Variants in KIAA0825 observed in about 807,000 individuals in gnomAD.
The protein encoded by KIAA0825 is KIAA0825, also known as uncharacterized protein KIAA0825.
Under a neutral mutation model 147.6 loss-of-function variants are expected in KIAA0825, and 119 were observed. That is an observed-to-expected ratio of 0.81 (90% CI 0.69 to 0.94). The LOEUF is 0.94. Among genes scored for constraint, KIAA0825 ranks in the 40% least tolerant of loss-of-function variants. KIAA0825 has a pLI of 0.00. For synonymous variants in KIAA0825, 470 were observed against 518.1 expected (o/e 0.91, Z 1.26); for missense variants, 1,381 against 1,472.7 (o/e 0.94, Z 1.02).
intron 20 of KIAA0825, among the ~76,000 whole-genome samples, chr5:94,241,590 T>G (rs1341916084): frequency 6.6e-6 from 1 of 152,226 alleles, no homozygotes; most frequent in Non-Finnish European, 1.5e-5. Context: ...TACTTTAGAA[T>G]GAATCATCAT....
At chr5:94,373,967 A>G (rs1180261996) in intron 20 of KIAA0825, among the ~76,000 whole-genome samples, 1 of 152,202 alleles carries the variant, frequency 6.6e-6, no homozygotes, top group African/African-American at 2.4e-5. Flanking sequence ...TTCATCTTCA[A>G]TCAAACTGAA....
At chr5:94,501,838 T>C (rs1204072520) in intron 5 of KIAA0825, among the ~76,000 whole-genome samples, 1 of 152,162 alleles carries the variant, frequency 6.6e-6, no homozygotes, top group Non-Finnish European at 1.5e-5. Flanking sequence ...CTTTCAAAGA[T>C]ACACAAGTAT....
chr5:94,525,660 T>C (rs758225500), intron 3 of KIAA0825, among the ~76,000 whole-genome samples: 2 of 151,972 alleles, frequency 1.3e-5, no homozygotes, highest in Non-Finnish European at 2.9e-5. Flanking sequence ...GTTTTTATTA[T>C]AGCATCCTCA....
At chr5:94,241,651 T>G (rs539954409) in intron 20 of KIAA0825, among the ~76,000 whole-genome samples, 1 of 152,304 alleles carries the variant, frequency 6.6e-6, no homozygotes, top group South Asian at 2.1e-4. Context: ...CATTTAAAAA[T>G]AAAATACCCT....
At chr5:94,405,713 G>A (rs557823249) in intron 15 of KIAA0825, among the ~76,000 whole-genome samples, 2 of 152,206 alleles carry the variant, frequency 1.3e-5, no homozygotes, top group South Asian at 4.1e-4. Context: ...GGAAGTGATA[G>A]AACAGACAGT....
chr5:94,453,926 A>G (rs1245643046), intron 12 of KIAA0825, among the ~76,000 whole-genome samples: 1 of 151,930 alleles, frequency 6.6e-6, no homozygotes, highest in African/African-American at 2.4e-5. Flanking sequence ...ATAATTAATT[A>G]GAATTTATAA....
intron 18 of KIAA0825, among the ~76,000 whole-genome samples, chr5:94,390,650 A>G (rs1749773136): frequency 1.3e-5 from 2 of 152,208 alleles, no homozygotes; most frequent in Non-Finnish European, 2.9e-5. Flanking sequence ...CCAGGAAACA[A>G]GATTTACTTG....
rs1759952383 is a variant in KIAA0825 at position 94,462,404 on chromosome 5, T to C, written c.2229A>G (p.Pro743=). 1 of 1,434,978 alleles carries C rather than the reference T, an allele frequency of 7.0e-7. No homozygotes were observed. Among genetic ancestry groups the C allele is most frequent in the Non-Finnish European group, 9.5e-7 (1 of 1,055,000 alleles). The allele number at this position is 1,434,978 out of a possible 1,614,324, so 88.9% of individuals were successfully genotyped here. The part of the protein sequence containing the change: ...LFTTLVILTS[P]LTELYKTFQH... ...ATACTTACTTATATAATTCTGTTAA[T>C]GGTGAAGTCAAAATGACTAATGTTG... is the stretch of plus-strand genomic sequence containing the variant. Residue 743 remains proline (P), a synonymous_variant, in exon 12 of 21, where the codon CCA becomes CCG. Coordinates refer to ENST00000682413, the MANE Select transcript of KIAA0825 (RefSeq NM_001145678.3).
intron 2 of KIAA0825, among the ~76,000 whole-genome samples, chr5:94,564,848 A>G (rs185041264): frequency 1.4e-3 from 206 of 152,162 alleles, no homozygotes; most frequent in Non-Finnish European, 7.1e-4. Context: ...AAACCCCATC[A>G]TCTGGATTAG....
At chr5:94,554,368 T>C (rs1250812176) in intron 2 of KIAA0825, among the ~76,000 whole-genome samples, 1 of 152,122 alleles carries the variant, frequency 6.6e-6, no homozygotes, top group East Asian at 1.9e-4. Context: ...GTATTATTCT[T>C]TGTATTGCTG....
intron 20 of KIAA0825, among the ~76,000 whole-genome samples, chr5:94,202,746 G>A (rs1472861851): frequency 6.6e-6 from 1 of 152,144 alleles, no homozygotes; most frequent in Non-Finnish European, 1.5e-5. Context: ...CTGAAGCTCT[G>A]CTGCAAATGG....
chr5:94,155,830 A>G (rs879429859), intron 20 of KIAA0825, among the ~76,000 whole-genome samples: 20 of 152,158 alleles, frequency 1.3e-4, no homozygotes, highest in Non-Finnish European at 1.9e-4. Flanking sequence ...TGAATGATAA[A>G]AAGTTTTTCA....
At chr5:94,572,767 T>C (rs12653819) in intron 2 of KIAA0825, among the ~76,000 whole-genome samples, 21,490 of 152,200 alleles carry the variant, frequency 0.14, 1,738 homozygotes, top group East Asian at 0.33. Context: ...CTGTGGGTGA[T>C]AGAATTAAAA....
At chr5:94,573,118 T>G in intron 2 of KIAA0825, among the ~76,000 whole-genome samples, 1 of 115,372 alleles carries the variant, frequency 8.7e-6, no homozygotes. Flanking sequence ...AACTCAAAGC[T>G]TGGGGGGGTT....
chr5:94,568,559 A>G (rs1779208685), intron 2 of KIAA0825: 1 of 152,228 alleles, frequency 6.6e-6, no homozygotes, highest in Non-Finnish European at 1.5e-5. Flanking sequence ...CCCCACATCC[A>G]TCCCCCAAAT....
chr5:94,183,465 T>C (rs545718634), intron 20 of KIAA0825, among the ~76,000 whole-genome samples: 6 of 152,174 alleles, frequency 3.9e-5, no homozygotes, highest in Non-Finnish European at 5.9e-5. Flanking sequence ...TGTCATTTTA[T>C]ATGCTAATGA....
intron 2 of KIAA0825, among the ~76,000 whole-genome samples, chr5:94,580,480 T>A (rs1219283353): frequency 1.3e-5 from 2 of 152,028 alleles, no homozygotes; most frequent in African/African-American, 4.8e-5. Context: ...AAGGGAGGGA[T>A]CTGGGTGAGT....
intron 20 of KIAA0825, among the ~76,000 whole-genome samples, chr5:94,198,763 A>G (rs1413190761): frequency 6.6e-6 from 1 of 152,208 alleles, no homozygotes; most frequent in Non-Finnish European, 1.5e-5. Flanking sequence ...CAAAACTTAC[A>G]GTAAACAACA....
chr5:94,209,477 A>G (rs901720307), intron 20 of KIAA0825, among the ~76,000 whole-genome samples: 2 of 152,136 alleles, frequency 1.3e-5, no homozygotes, highest in Non-Finnish European at 2.9e-5. Context: ...TAAATAAGAG[A>G]CGAACTATGC....
Sources: allele counts gnomAD v4.1 joint callset (sites outside exome capture counted in the v4.1 genomes callset), GRCh38; gene constraint gnomAD v4.1.1; transcripts MANE v1.5; gene names NCBI Gene and HGNC (gene_info 2026-07-23, HGNC 2026-07-21).